Variants in AASDH observed in about 807,000 individuals in gnomAD.
The protein encoded by AASDH is aminoadipate-semialdehyde dehydrogenase.
AASDH carries 81 observed loss-of-function variants against 102.3 expected under a neutral mutation model. The ratio of observed to expected loss-of-function variants is 0.79; its 90% confidence interval spans 0.66 to 0.95. AASDH has a LOEUF of 0.95. Ranked by LOEUF, AASDH falls within the 40% of genes least tolerant of loss-of-function variation. The pLI is 0.00. For missense variants in AASDH, 1,203 were observed against 1,266.2 expected (o/e 0.95, Z 0.76); for synonymous variants, 398 against 454.0 (o/e 0.88, Z 1.57).
intron 11 of AASDH, chr4:56,348,793 A>C (rs561847738): frequency 6.0e-6 from 1 of 165,372 alleles, no homozygotes; most frequent in East Asian, 1.8e-4. Context: ...ATAGTGATGT[A>C]AATGAGCTAC....
intron 12 of AASDH, among the ~76,000 whole-genome samples, chr4:56,344,376 C>A (rs1456261274): frequency 6.6e-6 from 1 of 152,058 alleles, no homozygotes; most frequent in Admixed American, 6.5e-5. Context: ...TTTTAATTTT[C>A]ATTCCTTTGA....
At position 56,338,772 on chromosome 4, in the gene AASDH, CTGG is replaced by C; in HGVS notation, c.2924_2926del (p.Thr975del). 2 of 1,614,024 alleles carry C rather than the reference CTGG, an allele frequency of 1.2e-6. No individual in the cohort carries two copies. Among genetic ancestry groups the C allele is most frequent in the Non-Finnish European group, 1.7e-6 (2 of 1,179,996 alleles). ...ACACGGGGATGAAAAGATTGGTCCA[CTGG>C]TAGAGAACTGCCAAACCTATAACAA... On this transcript the variant is annotated inframe_deletion, in exon 15 of 15. Transcript: ENST00000205214.
chr4:56,355,431 T>C lies in AASDH; in HGVS notation c.862-8A>G, dbSNP rs201322123. 11 of 1,603,228 alleles carry C rather than the reference T, an allele frequency of 6.9e-6. No individual in the cohort carries two copies. The South Asian group carries it at 9.0e-5, about 13-fold the overall frequency. ...AAGCAATGTTGGTGTTGCCTGTAGATACATTAAAAATAATTTATTTATTTT... is the reference window on the plus strand; with the variant it reads ...AAGCAATGTTGGTGTTGCCTGTAGACACATTAAAAATAATTTATTTATTTT... On this transcript the variant is annotated splice_region_variant and splice_polypyrimidine_tract_variant and intron_variant, in intron 5 of 14. Transcript: ENST00000205214.
chr4:56,361,075 G>C (rs781548047), intron 5 of AASDH, among the ~76,000 whole-genome samples: 7 of 152,032 alleles, frequency 4.6e-5, no homozygotes, highest in Non-Finnish European at 1.0e-4. Context: ...TATCAACTTT[G>C]AACTCAATAA....
At chr4:56,385,951 C>T (rs1355831607) in intron 1 of AASDH, among the ~76,000 whole-genome samples, 2 of 150,394 alleles carry the variant, frequency 1.3e-5, no homozygotes, top group Non-Finnish European at 3.0e-5. Context: ...TTAATTTATT[C>T]ACACCTATTT....
At chr4:56,375,182 T>C (rs142594616) in intron 4 of AASDH, among the ~76,000 whole-genome samples, 5 of 152,148 alleles carry the variant, frequency 3.3e-5, no homozygotes, top group East Asian at 1.9e-4. Context: ...CTCAAACTCC[T>C]AGGCTCAGCA....
rs564612332 is a variant in AASDH at position 56,353,294 on chromosome 4, T to C, written c.1576+110A>G. ...GCAGTCAAAAGAGGGTCTATCACAA[T>C]AAATGCTAGTACCATTTATAAAAAT... is the stretch of plus-strand genomic sequence containing the variant. On this transcript the variant is annotated intron_variant, in intron 9 of 14. Transcript: ENST00000205214. 11 of 906,106 alleles carry C rather than the reference T, an allele frequency of 1.2e-5. No individual in the cohort carries two copies. The East Asian group carries it at 3.1e-4, about 25-fold the overall frequency. The allele number at this position is 906,106 out of a possible 1,614,324, so 56.1% of individuals were successfully genotyped here.
At chr4:56,385,870 A>G (rs1250627403) in intron 1 of AASDH, among the ~76,000 whole-genome samples, 1 of 152,042 alleles carries the variant, frequency 6.6e-6, no homozygotes, top group Non-Finnish European at 1.5e-5. Flanking sequence ...TGGCCTCCCA[A>G]AATGTTAGGA....
intron 6 of AASDH, 28 bp from the exon 7 acceptor site, chr4:56,354,839 T>C (rs1749410128): frequency 6.6e-7 from 1 of 1,524,300 alleles, no homozygotes; most frequent in African/African-American, 1.4e-5. Context: ...AGAGCAGATT[T>C]AAAATTTTTC....
intron 4 of AASDH, among the ~76,000 whole-genome samples, chr4:56,375,068 C>T (rs1339476607): frequency 6.6e-6 from 1 of 152,038 alleles, no homozygotes; most frequent in African/African-American, 2.4e-5. Context: ...TGCAAGAAAA[C>T]TCAGCTTTGT....
chr4:56,345,162 A>C lies in AASDH; in HGVS notation c.2617T>G (p.Ser873Ala). The part of the protein sequence containing the change: ...DPTTGLIYIG[S>A]HDQHAYALDI... The stretch of plus-strand genomic sequence containing the variant: ...AAAGCATATGCGTGCTGGTCATGAG[A>C]TCCAATGTAAATGAGTCCTGTGGTT... The change falls in exon 12 of 15, where the codon TCT (serine) becomes GCT (alanine). Residue 873 changes from serine (S) to alanine (A), a missense_variant. Transcript: ENST00000205214. 6.2e-7 allele frequency: 1 copy of C among 1,614,082 alleles called. No individual in the cohort carries two copies. Among genetic ancestry groups the C allele is most frequent in the South Asian group, 1.1e-5 (1 of 91,070 alleles).
intron 5 of AASDH, among the ~76,000 whole-genome samples, chr4:56,368,009 A>G (rs1430501416): frequency 1.3e-5 from 2 of 152,228 alleles, no homozygotes; most frequent in African/African-American, 4.8e-5. Flanking sequence ...AATGAACTCA[A>G]ACAAATTTAC....
In AASDH at chr4:56,378,256, C is replaced by G. The variant is rs1388690891; in HGVS notation, c.560G>C (p.Arg187Thr). 2 of 1,614,000 alleles carry G rather than the reference C, an allele frequency of 1.2e-6. No homozygotes were observed. The highest frequency in any genetic ancestry group is 8.5e-7 in the Non-Finnish European group (1 of 1,180,056). Residue 187 changes from arginine to threonine, a missense_variant, in exon 4 of 15, where the codon AGG becomes ACG. Physicochemically the swap from Arg to Thr is moderately conservative, Grantham distance 71. Coordinates refer to ENST00000205214, the MANE Select transcript of AASDH (RefSeq NM_181806.4). Reference protein sequence around the residue: ...EEKAEEHMDLRLKHCLAYVLH... With the variant: ...EEKAEEHMDLTLKHCLAYVLH... ...AACATAGGCTAAGCAATGCTTTAGC[C>G]TCAGATCCATGTGTTCTTCTGCTTT...
chr4:56,375,384 A>G (rs1413431570), intron 4 of AASDH, among the ~76,000 whole-genome samples: 1 of 152,242 alleles, frequency 6.6e-6, no homozygotes. Flanking sequence ...AGAAAATTTA[A>G]CATTACTGTT....
chr4:56,344,963 A>G (rs1379764763), intron 12 of AASDH, among the ~76,000 whole-genome samples, 164 bp downstream of exon 12: 1 of 131,464 alleles, frequency 7.6e-6, no homozygotes, highest in African/African-American at 2.9e-5. Context: ...TTTTTTTGAG[A>G]TAGAGTCTCA....
At chr4:56,370,728 A>G (rs1751591698) in intron 5 of AASDH, among the ~76,000 whole-genome samples, 1 of 152,234 alleles carries the variant, frequency 6.6e-6, no homozygotes, top group East Asian at 1.9e-4. Flanking sequence ...AGCAGCCTGA[A>G]TGGACTCACA....
In AASDH at chr4:56,384,123, C is replaced by T. The variant is rs766930367; in HGVS notation, c.177G>A (p.Arg59=). The change falls in exon 2 of 15, where the codon CGG becomes CGA. Residue 59 remains arginine (R), a synonymous_variant. Transcript: ENST00000205214. The part of the protein sequence containing the change: ...LLLHCDFQGI[R]EIGLYCQPGI... ...CAGGTTGGCAGTAGAGACCAATTTC[C>T]CGAATTCCTTGAAAGTCACAGTGTA... 3.7e-6 allele frequency: 6 copies of T among 1,614,074 alleles called. No homozygotes were observed. Among genetic ancestry groups the T allele is most frequent in the South Asian group, 2.2e-5 (2 of 91,080 alleles).
chr4:56,364,522 G>A (rs1364133072), intron 5 of AASDH, among the ~76,000 whole-genome samples: 1 of 152,150 alleles, frequency 6.6e-6, no homozygotes, highest in Non-Finnish European at 1.5e-5. Flanking sequence ...CTGATCACTC[G>A]GCAGAAACTC....
intron 5 of AASDH, among the ~76,000 whole-genome samples, chr4:56,370,360 AAGAG>A (rs965870435): frequency 4.0e-5 from 6 of 150,722 alleles, no homozygotes; most frequent in Admixed American, 3.3e-4. Context: ...TGTCAAAAGA[AAGAG>A]AGAGAGAGAG....
Sources: allele counts gnomAD v4.1 joint callset (sites outside exome capture counted in the v4.1 genomes callset), GRCh38; gene constraint gnomAD v4.1.1; transcripts MANE v1.5; gene names NCBI Gene and HGNC (gene_info 2026-07-23, HGNC 2026-07-21).